PSG7: variants seen among roughly 807,000 people sequenced by gnomAD.
The protein encoded by PSG7 is pregnancy-specific beta-1-glycoprotein 7.
PSG7 carries 57 observed loss-of-function variants against 45.6 expected under a neutral mutation model. The ratio of observed to expected loss-of-function variants is 1.25; its 90% CI spans 1.01 to 1.56. The LOEUF is 1.56. PSG7 is among the 40% of genes most tolerant of loss of function. The pLI, the probability that PSG7 is intolerant of heterozygous loss-of-function variation, is 0.00. For missense variants in PSG7, 796 were observed against 508.4 expected (o/e 1.57, Z -5.44); for synonymous variants, 298 against 194.4 (o/e 1.53, Z -4.43).
At chr19:42,933,266 A>AAT (rs1161461136) in intron 2 of PSG7, among the ~76,000 whole-genome samples, 26 of 15,736 alleles carry the variant, frequency 1.7e-3, no homozygotes, top group African/African-American at 3.1e-3. Context: ...TCACCATTTC[A>AAT]ATATATATAT....
intron 2 of PSG7, among the ~76,000 whole-genome samples, chr19:42,934,821 T>A (rs1290537938): frequency 6.6e-6 from 1 of 151,618 alleles, no homozygotes; most frequent in Non-Finnish European, 1.5e-5. Flanking sequence ...GAGTGTCAGG[T>A]GAAGAAAGCT....
chr19:42,932,838 G>A (rs1393669300), intron 2 of PSG7, among the ~76,000 whole-genome samples: 1 of 151,518 alleles, frequency 6.6e-6, no homozygotes, highest in East Asian at 1.9e-4. Flanking sequence ...TGTTGGCACA[G>A]TTTCTATAAT....
Position 42,926,871 on chromosome 19 carries a change from A to G in PSG7, c.710-155T>C, listed in dbSNP as rs572592615. 11 of 1,377,280 alleles carry G rather than the reference A, an allele frequency of 8.0e-6. No homozygotes were observed. In the African/African-American group the frequency reaches 1.6e-4, roughly 20 times the overall value. The allele number at this position is 1,377,280 out of a possible 1,614,324, so 85.3% of individuals were successfully genotyped here. On this transcript the variant is annotated intron_variant, in intron 3 of 5. Coordinates refer to ENST00000406070, the MANE Select transcript of PSG7 (RefSeq NM_002783.3). ...TGTGTCACAAGGTAGATGCATGATG[A>G]TCTAAGGGCTCAAAGACTGTGAGGC...
At position 42,931,656 on chromosome 19, in the gene PSG7, C is replaced by T. The variant is rs180768878; in HGVS notation, c.431-1936G>A. On this transcript the variant is annotated intron_variant, in intron 2 of 5. Transcript: ENST00000406070. ...GCAATGGCTCGTGTGTCTCCCCACA[C>T]GAAGAACTCCAACTTATGAAAACGG... Among the ~76,000 whole-genome samples the T allele has an allele frequency of 2.8e-4, 42 of 151,360 alleles. 1 individual carries two copies. The highest frequency in any genetic ancestry group is 7.5e-4 in the African/African-American group (31 of 41,214).
At chr19:42,935,359 T>C in intron 2 of PSG7, 45 bp downstream of exon 2, 1 of 1,606,556 alleles carries the variant, frequency 6.2e-7, no homozygotes, top group Non-Finnish European at 8.5e-7. Flanking sequence ...GAAGTAGAAA[T>C]GACCCCTGCC....
At chr19:42,926,797 C>T in intron 3 of PSG7, 81 bp from the exon 4 acceptor site, 1 of 1,571,940 alleles carries the variant, frequency 6.4e-7, no homozygotes, top group Admixed American at 1.7e-5. Flanking sequence ...GAGTTGGCAT[C>T]TCCCACCTGT....
chr19:42,927,583 G>C (rs373236249), intron 3 of PSG7: 1 of 151,586 alleles, frequency 6.6e-6, no homozygotes, highest in Non-Finnish European at 1.5e-5. Flanking sequence ...CTGGAAATCT[G>C]GTCCTCATGG....
intron 2 of PSG7, among the ~76,000 whole-genome samples, chr19:42,932,628 G>C (rs1973044698): frequency 6.6e-6 from 1 of 151,524 alleles, no homozygotes. Flanking sequence ...TCTAGTCTCA[G>C]GCTGGCTGTC....
At chr19:42,931,489 C>G (rs1335319501) in intron 2 of PSG7, among the ~76,000 whole-genome samples, 1 of 151,594 alleles carries the variant, frequency 6.6e-6, no homozygotes, top group African/African-American at 2.4e-5. Flanking sequence ...GAACTGCCTG[C>G]TTATAATTTC....
chr19:42,927,138 C>A (rs28735872), intron 3 of PSG7: 3,505 of 236,858 alleles, frequency 0.015, 179 homozygotes, highest in African/African-American at 0.073. Flanking sequence ...CTTCCATTTC[C>A]AAGGACATTC....
rs1366870214 is a variant in PSG7, at chr19:42,924,675, A to G, written c.*133T>C. The G allele has an allele frequency of 5.3e-6, 4 of 759,522 alleles. No homozygotes were observed. The South Asian group carries it at 5.5e-5, about 10-fold the overall frequency. The allele number at this position is 759,522 out of a possible 1,614,324, so 47.0% of individuals were successfully genotyped here. On this transcript the variant is annotated 3_prime_UTR_variant, in exon 6 of 6. Coordinates refer to ENST00000406070, the MANE Select transcript of PSG7 (RefSeq NM_002783.3). ...TTGGTGAGTTCTGAGTGGCTCAGAC[A>G]TCAGGTACAAGGATTTTCCCATGAA...
chr19:42,932,908 A>G (rs967116174), intron 2 of PSG7, among the ~76,000 whole-genome samples: 3 of 151,116 alleles, frequency 2.0e-5, no homozygotes, highest in African/African-American at 4.9e-5. Flanking sequence ...AATTGCTCCT[A>G]TAGATAACAT....
chr19:42,935,572 T>G lies in PSG7; in HGVS notation c.262A>C (p.Ile88Leu). 1 of 1,612,132 alleles carries G rather than the reference T, an allele frequency of 6.2e-7. No individual in the cohort carries two copies. The highest frequency in any genetic ancestry group is 2.2e-5 in the East Asian group (1 of 44,782). The change falls in exon 2 of 6, where the codon ATA (isoleucine) becomes CTA (leucine). Residue 88 changes from isoleucine to leucine, a missense_variant. Transcript: ENST00000406070. ...CTGTATGCAGGCCCATATTTAATTA[T>G]TTGACCGTCTACTATATATGATGTA... ...YVTSYIVDGQ[I>L]IKYGPAYSGR...
intron 5 of PSG7, chr19:42,925,507 A>G: frequency 7.4e-6 from 7 of 948,024 alleles, no homozygotes; most frequent in East Asian, 2.8e-5. Flanking sequence ...AATCATAAAA[A>G]CATTATCCTC....
At chr19:42,926,779 T>C in intron 3 of PSG7, 63 bp from the exon 4 acceptor site, 3 of 1,589,994 alleles carry the variant, frequency 1.9e-6, no homozygotes, top group Non-Finnish European at 2.6e-6. Flanking sequence ...ACAGGCATCC[T>C]TCAATTAGAG....
chr19:42,936,681 A>G (rs1241062529), intron 1 of PSG7, among the ~76,000 whole-genome samples: 1 of 150,540 alleles, frequency 6.6e-6, no homozygotes, highest in East Asian at 2.0e-4. Context: ...GGAGTCTCAT[A>G]CTGTCACCCA....
rs1163924684 is a variant in PSG7, at chr19:42,935,288, C to T, written c.430+116G>A. 1.1e-5 allele frequency: 16 copies of T among 1,497,318 alleles called. No homozygotes were observed. In the Middle Eastern group the frequency reaches 5.3e-4, roughly 49 times the overall value. The allele number at this position is 1,497,318 out of a possible 1,614,324, so 92.8% of individuals were successfully genotyped here. A position where few individuals can be genotyped will look rare whatever the true frequency, so the allele number is the denominator to read the frequency against. On this transcript the variant is annotated intron_variant, in intron 2 of 5. Coordinates refer to ENST00000406070, the MANE Select transcript of PSG7 (RefSeq NM_002783.3). ...CCTGCAATAAATGCCCAAACCCCAG[C>T]ATGGGACATAATGCAGAGAGGGACA... is the stretch of plus-strand genomic sequence containing the variant.
chr19:42,935,657 G>A lies in PSG7; in HGVS notation c.177C>T (p.Pro59=), dbSNP rs145889914. Residue 59 remains proline, a synonymous_variant, in exon 2 of 6, where the codon CCC becomes CCT. Transcript: ENST00000406070. ...KDVLLLVHNL[P]QNLTGYIWYK... is the part of the protein sequence containing the mutation. ...ACCAGATGTAGCCAGTAAGATTCTG[G>A]GGCAAATTGTGGACAAGTAGAAGAA... 6.0e-4 allele frequency: 971 copies of A among 1,611,976 alleles called. 27 individuals carry two copies. In the African/African-American group the frequency reaches 9.3e-3, roughly 15 times the overall value.
rs1486996086 is a variant in PSG7 at position 42,925,548 on chromosome 19, G to A, written c.1243+225C>T. 5.1e-6 allele frequency: 6 copies of A among 1,173,560 alleles called. No homozygotes were observed. The South Asian group carries it at 5.6e-5, about 11-fold the overall frequency. The allele number at this position is 1,173,560 out of a possible 1,614,324, so 72.7% of individuals were successfully genotyped here. On this transcript the variant is annotated intron_variant, in intron 5 of 5. Transcript: ENST00000406070. Reference sequence around the variant, plus strand: ...TATCAATTATTTCAATGAAATCAATGTTTTTCCTGCTTGGTCTAGGCTGGG... The same window carrying A: ...TATCAATTATTTCAATGAAATCAATATTTTTCCTGCTTGGTCTAGGCTGGG...
Sources: gnomAD v4.1 joint callset for allele counts (sites outside exome capture counted in the v4.1 genomes callset) on GRCh38, gnomAD v4.1.1 for gene constraint, MANE v1.5 for transcripts, NCBI Gene and HGNC (gene_info 2026-07-23, HGNC 2026-07-21) for gene names.